The following SEMA6D variants were observed in gnomAD, a reference collection of about 807,000 sequenced individuals.
SEMA6D encodes the protein semaphorin-6D.
Under a neutral mutation model 106.6 loss-of-function variants are expected in SEMA6D, and 35 were observed. The ratio of observed to expected loss-of-function variants is 0.33; its 90% CI spans 0.25 to 0.44. SEMA6D has a LOEUF of 0.44. Among genes scored for constraint, SEMA6D ranks in the 20% least tolerant of loss-of-function variants. The pLI is 1.00. For missense variants in SEMA6D, 1,185 were observed against 1,345.9 expected (o/e 0.88, Z 1.87); for synonymous variants, 499 against 487.7 (o/e 1.02, Z -0.31).
chr15:47,204,627 A>G (rs1379795197), intron 1 of SEMA6D, among the ~76,000 whole-genome samples: 1 of 152,108 alleles, frequency 6.6e-6, no homozygotes, highest in Non-Finnish European at 1.5e-5. Flanking sequence ...GAGTTTAGAG[A>G]TTAGCTAGAT....
In SEMA6D at chr15:47,771,175, G is replaced by A. The variant is rs190295873; in HGVS notation, c.2612G>A (p.Arg871His). The A allele has an allele frequency of 8.6e-5, 139 of 1,614,038 alleles. 1 individual carries two copies. In the Admixed American group the frequency reaches 1.0e-3, roughly 12 times the overall value. The change falls in exon 19 of 19, where the codon CGT (arginine) becomes CAT (histidine). Residue 871 changes from arginine to histidine, a missense_variant. Arg to His is a conservative substitution (Grantham distance 29, BLOSUM62 0). Coordinates refer to ENST00000536845, the MANE Select transcript of SEMA6D (RefSeq NM_001358351.3). Reference protein sequence around the residue: ...TKSSSKRDHRRSVDSRNTLND... With the variant: ...TKSSSKRDHRHSVDSRNTLND... ...TCATCCAGTAAGAGAGATCACCGGC[G>A]TTCTGTTGATTCCAGAAATACCCTC...
In SEMA6D at chr15:47,405,765, G is replaced by T. The variant is rs546743112; in HGVS notation, c.-238-6628G>T. 3.9e-5 allele frequency among the ~76,000 whole-genome samples: 6 copies of T among 152,210 alleles called. No individual in the cohort carries two copies. In the East Asian group the frequency reaches 1.2e-3, roughly 29 times the overall value. On this transcript the variant is annotated intron_variant, in intron 1 of 19. Coordinates refer to the SEMA6D transcript ENST00000558014. Reference sequence around the variant, plus strand: ...AGTGTCATTTTCAGCTCTATTACATGCTTCTCTCAATCATTCTTTAGAGCA... The same window carrying T: ...AGTGTCATTTTCAGCTCTATTACATTCTTCTCTCAATCATTCTTTAGAGCA...
At chr15:47,612,764 TTTTTTA>T (rs2076934084) in intron 4 of SEMA6D, among the ~76,000 whole-genome samples, 1 of 136,410 alleles carries the variant, frequency 7.3e-6, no homozygotes, top group African/African-American at 2.6e-5. Context: ...TTATTTTTTA[TTTTTTA>T]TTTTTTTTTT....
chr15:47,511,927 G>C (rs1164966024), intron 3 of SEMA6D, among the ~76,000 whole-genome samples: 2 of 152,176 alleles, frequency 1.3e-5, no homozygotes, highest in Non-Finnish European at 2.9e-5. Context: ...AAAGCAGCTT[G>C]CCTGACCTCG....
chr15:47,283,804 A>G (rs747665502), intron 1 of SEMA6D, among the ~76,000 whole-genome samples: 1 of 152,206 alleles, frequency 6.6e-6, no homozygotes, highest in Non-Finnish European at 1.5e-5. Flanking sequence ...CACCCTTGCC[A>G]CAGCTGGCAC....
intron 1 of SEMA6D, among the ~76,000 whole-genome samples, chr15:47,196,324 G>A (rs282507): frequency 0.054 from 8,237 of 152,242 alleles, 264 homozygotes; most frequent in East Asian, 0.1. Flanking sequence ...TGAGCCTGCA[G>A]TATTTTGGAG....
chr15:47,641,806 C>T (rs1275186047), intron 4 of SEMA6D, among the ~76,000 whole-genome samples: 1 of 152,178 alleles, frequency 6.6e-6, no homozygotes, highest in Non-Finnish European at 1.5e-5. Context: ...GTCATGCTCC[C>T]CACACTGCCC....
intron 4 of SEMA6D, among the ~76,000 whole-genome samples, chr15:47,676,883 C>T (rs1443737910): frequency 1.3e-5 from 2 of 152,138 alleles, no homozygotes; most frequent in Admixed American, 6.5e-5. Context: ...CAGTCTCCAA[C>T]CTTTTTGGCA....
intron 4 of SEMA6D, among the ~76,000 whole-genome samples, chr15:47,633,594 A>T (rs1245760138): frequency 6.6e-6 from 1 of 152,120 alleles, no homozygotes; most frequent in Non-Finnish European, 1.5e-5. Context: ...ATTGTAATGT[A>T]TCTTGTCATG....
At chr15:47,657,730 T>C (rs1325093999) in intron 4 of SEMA6D, among the ~76,000 whole-genome samples, 1 of 38,086 alleles carries the variant, frequency 2.6e-5, no homozygotes, top group African/African-American at 7.5e-5. Flanking sequence ...TTTTTTTTTT[T>C]TTTTTTTTTT....
At position 47,761,875 on chromosome 15, in the gene SEMA6D, G is replaced by C; in HGVS notation, c.538+124G>C. On this transcript the variant is annotated intron_variant, in intron 7 of 18. Transcript: ENST00000536845. ...CTTGATCTAAGTGTTCGAAAGGCTAGAATCTATGCACAAATTTCCAAAAAA... is the reference window on the plus strand; with the variant it reads ...CTTGATCTAAGTGTTCGAAAGGCTACAATCTATGCACAAATTTCCAAAAAA... The C allele has an allele frequency of 4.8e-6, 4 of 831,248 alleles. 1 individual carries two copies. The South Asian group carries it at 7.3e-5, about 15-fold the overall frequency. 51.5% of individuals were successfully genotyped at this position (831,248 alleles called of 1,614,324 possible). A position where few individuals can be genotyped will look rare whatever the true frequency, so the allele number is the denominator to read the frequency against.
intron 3 of SEMA6D, among the ~76,000 whole-genome samples, chr15:47,583,032 G>A (rs2076280685): frequency 6.6e-6 from 1 of 152,192 alleles, no homozygotes; most frequent in Non-Finnish European, 1.5e-5. Context: ...AATAGCTAAT[G>A]AGAGCTATGC....
At chr15:47,296,814 G>A (rs1236290823) in intron 1 of SEMA6D, among the ~76,000 whole-genome samples, 1 of 152,168 alleles carries the variant, frequency 6.6e-6, no homozygotes, top group Non-Finnish European at 1.5e-5. Context: ...ATATGAATAT[G>A]TTTCAACACC....
chr15:47,485,748 G>A (rs35423432), intron 3 of SEMA6D, among the ~76,000 whole-genome samples: 39,005 of 152,100 alleles, frequency 0.26, 5,429 homozygotes, highest in Middle Eastern at 0.44. Flanking sequence ...TGCTATGGCT[G>A]TCTGTGCCAT....
chr15:47,509,427 C>A (rs1284431631), intron 3 of SEMA6D, among the ~76,000 whole-genome samples: 1 of 152,148 alleles, frequency 6.6e-6, no homozygotes, highest in African/African-American at 2.4e-5. Context: ...ACCCTCTAGT[C>A]CATTCTGCCA....
At chr15:47,296,343 C>T (rs1029952246) in intron 1 of SEMA6D, among the ~76,000 whole-genome samples, 1 of 152,134 alleles carries the variant, frequency 6.6e-6, no homozygotes, top group Admixed American at 6.6e-5. Flanking sequence ...ATAGCAGTTG[C>T]CACCATCTTG....
chr15:47,741,032 A>AG (rs1383875745), intron 1 of SEMA6D, among the ~76,000 whole-genome samples: 1 of 152,222 alleles, frequency 6.6e-6, no homozygotes, highest in Non-Finnish European at 1.5e-5. Flanking sequence ...TAGACTAGAA[A>AG]GGGGAAATAA....
intron 1 of SEMA6D, among the ~76,000 whole-genome samples, chr15:47,243,612 G>T (rs369035331): frequency 2.0e-5 from 3 of 152,082 alleles, no homozygotes; most frequent in Non-Finnish European, 4.4e-5. Context: ...CAGGAAATAA[G>T]AAAAAGTGGC....
At chr15:47,622,686 A>T (rs80083293) in intron 4 of SEMA6D, among the ~76,000 whole-genome samples, 2,339 of 152,242 alleles carry the variant, frequency 0.015, 70 homozygotes, top group African/African-American at 0.054. Context: ...CAAGTGTGTG[A>T]TTTTGGCCAA....
Sources: gnomAD v4.1 joint callset for allele counts (sites outside exome capture counted in the v4.1 genomes callset) on GRCh38, gnomAD v4.1.1 for gene constraint, MANE v1.5 for transcripts, NCBI Gene and HGNC (gene_info 2026-07-23, HGNC 2026-07-21) for gene names.